Variants in LAMA3 observed in about 807,000 individuals in gnomAD.
The protein encoded by LAMA3 is laminin subunit alpha-3.
Under a neutral mutation model 402.0 loss-of-function variants are expected in LAMA3, and 281 were observed. The observed-to-expected ratio is 0.70, with a 90% CI of 0.63 to 0.77. The LOEUF (loss-of-function observed/expected upper bound fraction) is 0.77. Among genes scored for constraint, LAMA3 ranks in the 30% least tolerant of loss-of-function variants. The pLI is 0.00. For missense variants in LAMA3, 3,840 were observed against 4,215.5 expected (o/e 0.91, Z 2.47); for synonymous variants, 1,431 against 1,558.4 (o/e 0.92, Z 1.93).
chr18:23,723,511 G>A (rs1414381465), intron 2 of LAMA3, among the ~76,000 whole-genome samples: 1 of 151,918 alleles, frequency 6.6e-6, no homozygotes, highest in Non-Finnish European at 1.5e-5. Flanking sequence ...AAAAAAAAAT[G>A]TGCCTATATA....
intron 1 of LAMA3, among the ~76,000 whole-genome samples, chr18:23,711,599 T>TA (rs912684202): frequency 2.2e-4 from 33 of 152,356 alleles, no homozygotes; most frequent in Admixed American, 7.2e-4. Flanking sequence ...AGTTACAGGG[T>TA]AGTGTTAACT....
chr18:23,848,896 C>G (rs978227835), intron 32 of LAMA3, among the ~76,000 whole-genome samples: 8 of 152,018 alleles, frequency 5.3e-5, no homozygotes, highest in African/African-American at 1.9e-4. Context: ...TGGGGGAGTC[C>G]CTGGGCTGTT....
rs997071803 is a variant in LAMA3 at position 23,696,374 on chromosome 18, A to C, written c.294+6397A>C. 2.0e-5 allele frequency among the ~76,000 whole-genome samples: 3 copies of C among 152,226 alleles called. No homozygotes were observed. In the East Asian group the frequency reaches 5.8e-4, roughly 29 times the overall value. On this transcript the variant is annotated intron_variant, in intron 1 of 74. Transcript: ENST00000313654. ...AAAATCACTAAATAAGCTTGTTATA[A>C]ACTTATTGAGTTCTCTTTCTTTTAT...
At chr18:23,951,601 C>T (rs1056277986) in intron 72 of LAMA3, 83 bp from the exon 73 acceptor site, 10 of 1,077,988 alleles carry the variant, frequency 9.3e-6, no homozygotes, top group African/African-American at 3.1e-5. Flanking sequence ...TCAGTTGGCC[C>T]GGTTTGGGGA....
intron 1 of LAMA3, among the ~76,000 whole-genome samples, chr18:23,705,731 T>C (rs1416957546): frequency 6.6e-6 from 1 of 152,188 alleles, no homozygotes; most frequent in African/African-American, 2.4e-5. Context: ...TTGCCCAGGC[T>C]GGTCTTGAAC....
At chr18:23,759,926 C>T (rs985617137) in intron 7 of LAMA3, among the ~76,000 whole-genome samples, 1 of 152,148 alleles carries the variant, frequency 6.6e-6, no homozygotes, top group Non-Finnish European at 1.5e-5. Flanking sequence ...TCGGTTCCTT[C>T]TCAATGACTT....
intron 32 of LAMA3, among the ~76,000 whole-genome samples, chr18:23,855,081 C>T (rs1168709598): frequency 6.6e-6 from 1 of 152,216 alleles, no homozygotes; most frequent in Non-Finnish European, 1.5e-5. Flanking sequence ...TTTCCAGGTC[C>T]CTGCCCAGAT....
chr18:23,731,318 T>A (rs1346477593), intron 2 of LAMA3, among the ~76,000 whole-genome samples: 1 of 152,192 alleles, frequency 6.6e-6, no homozygotes, highest in Non-Finnish European at 1.5e-5. Context: ...GAACATGACA[T>A]ATAATGTCTT....
intron 8 of LAMA3, among the ~76,000 whole-genome samples, chr18:23,771,335 A>C (rs764451106): frequency 1.3e-5 from 2 of 152,230 alleles, no homozygotes; most frequent in African/African-American, 2.4e-5. Context: ...GGGCCATTTA[A>C]ATGAAATTCT....
Position 23,857,248 on chromosome 18 carries a change from G to A in LAMA3, c.4137-596G>A, listed in dbSNP as rs147530995. On this transcript the variant is annotated intron_variant, in intron 32 of 74. Coordinates refer to ENST00000313654, the MANE Select transcript of LAMA3 (RefSeq NM_198129.4). Reference sequence around the variant, plus strand: ...GTCTCAGCTACTGCGCTGTGCTGCCGTGTCCAGCCCCTCTGTCCTGATGAT... The same window carrying A: ...GTCTCAGCTACTGCGCTGTGCTGCCATGTCCAGCCCCTCTGTCCTGATGAT... Among the ~76,000 whole-genome samples, 239 of 152,288 alleles carry A rather than the reference G, an allele frequency of 1.6e-3. 6 individuals are homozygous for A. The East Asian group carries it at 0.037, about 24-fold the overall frequency.
At chr18:23,783,716 A>T (rs1390192981) in intron 11 of LAMA3, among the ~76,000 whole-genome samples, 1 of 152,248 alleles carries the variant, frequency 6.6e-6, no homozygotes, top group Non-Finnish European at 1.5e-5. Flanking sequence ...AATCTATTAA[A>T]TTGAAGTTAT....
At chr18:23,857,109 G>A (rs944374442) in intron 32 of LAMA3, among the ~76,000 whole-genome samples, 15 of 152,184 alleles carry the variant, frequency 9.9e-5, no homozygotes, top group Non-Finnish European at 1.2e-4. Context: ...AGCAGCTACC[G>A]TGTTCTGTCC....
intron 56 of LAMA3, among the ~76,000 whole-genome samples, chr18:23,913,205 A>G (rs1488797795): frequency 6.6e-6 from 1 of 152,178 alleles, no homozygotes; most frequent in Admixed American, 6.5e-5. Flanking sequence ...ACCAAGTTGT[A>G]TGATTGACAC....
intron 2 of LAMA3, among the ~76,000 whole-genome samples, chr18:23,718,984 CT>C (rs1249391849): frequency 1.3e-5 from 2 of 152,220 alleles, no homozygotes; most frequent in African/African-American, 4.8e-5. Context: ...TCTAAAGTGC[CT>C]TCTACATAAT....
intron 9 of LAMA3, among the ~76,000 whole-genome samples, chr18:23,774,789 C>A (rs927668903): frequency 2.0e-5 from 3 of 152,188 alleles, no homozygotes; most frequent in African/African-American, 4.8e-5. Flanking sequence ...GGATTTACTT[C>A]TCTCTAGGGC....
chr18:23,847,638 C>A lies in LAMA3; in HGVS notation c.4106C>A (p.Pro1369Gln). 6.2e-7 allele frequency: 1 copy of A among 1,613,950 alleles called. No individual in the cohort carries two copies. The highest frequency in any genetic ancestry group is 8.5e-7 in the Non-Finnish European group (1 of 1,180,004). Residue 1369 changes from proline to glutamine, a missense_variant, in exon 32 of 75, where the codon CCG becomes CAG. Pro to Gln is a moderately conservative substitution (Grantham distance 76). Around this residue, in one of 3 missense-constraint regions of LAMA3, gnomAD observed 2,109 missense variants for 2,376.0 expected, o/e 0.89. Transcript: ENST00000313654. ...SRRGTIEAAM[P>Q]ECDRDSGQCR... ...AGGGGCACCATCGAGGCTGCCATGC[C>A]GGAGTGTGACCGGGACAGCGGGCAG...
chr18:23,691,316 C>T (rs1555671098), intron 1 of LAMA3, among the ~76,000 whole-genome samples: 1 of 151,762 alleles, frequency 6.6e-6, no homozygotes, highest in Non-Finnish European at 1.5e-5. Context: ...CATGCAAAAA[C>T]AGAAATCTAA....
At chr18:23,731,329 G>A (rs1299445805) in intron 2 of LAMA3, among the ~76,000 whole-genome samples, 1 of 152,084 alleles carries the variant, frequency 6.6e-6, no homozygotes, top group Admixed American at 6.6e-5. Context: ...ATAATGTCTT[G>A]AGGCATTCTT....
At position 23,839,685 on chromosome 18, in the gene LAMA3, C is replaced by G. The variant is rs1318753479; in HGVS notation, c.3192-100C>G. ...CCCCAGCACTGGATCCTTTTGATGC[C>G]CATGCAGTCCTATGCTCCAAGTCTG... On this transcript the variant is annotated intron_variant, in intron 26 of 74. Transcript: ENST00000313654. This position sits in a 1 kb window ranked among gnomAD's most constrained non-coding sequence, Gnocchi z 4.5. The G allele has an allele frequency of 4.8e-6, 6 of 1,253,258 alleles. No individual in the cohort carries two copies. The highest frequency in any genetic ancestry group is 7.0e-6 in the Non-Finnish European group (6 of 858,784). The allele number at this position is 1,253,258 out of a possible 1,614,324, so 77.6% of individuals were successfully genotyped here.
Sources: gnomAD v4.1 joint callset for allele counts (sites outside exome capture counted in the v4.1 genomes callset) on GRCh38, gnomAD v4.1.1 for gene constraint, gnomAD v4.1.1 regional missense constraint, Gnocchi (gnomAD v3.1) non-coding constraint, MANE v1.5 for transcripts, NCBI Gene and HGNC (gene_info 2026-07-23, HGNC 2026-07-21) for gene names.